The following LRP2BP variants were observed in gnomAD, a reference collection of about 807,000 sequenced individuals.
LRP2BP encodes the protein LRP2-binding protein.
In LRP2BP, 38 loss-of-function variants were observed where a neutral mutation model predicts 45.2. The ratio of observed to expected loss-of-function variants is 0.84; its 90% CI spans 0.65 to 1.10. The LOEUF (loss-of-function observed/expected upper bound fraction) is 1.10, where lower values mean the gene tolerates loss of function less well. Among genes scored for constraint, LRP2BP ranks in the 50% least tolerant of loss-of-function variants. The probability of loss-of-function intolerance (pLI) is 0.00; values close to 1 mark genes in which losing one functional copy is unlikely to be tolerated. For synonymous variants in LRP2BP, 153 were observed against 153.9 expected (o/e 0.99, Z 0.04); for missense variants, 385 against 418.9 (o/e 0.92, Z 0.71).
intron 2 of LRP2BP, chr4:185,377,308 T>C: frequency 8.2e-5 from 26 of 316,238 alleles, no homozygotes; most frequent in South Asian, 1.2e-4. Flanking sequence ...CACCTGAGTT[T>C]GGGAGTTCAA....
At position 185,375,674 on chromosome 4, in the gene LRP2BP, T is replaced by G. The variant is rs1164212154; in HGVS notation, c.269A>C (p.His90Pro). ...EQFEEIKEKD[H>P]QATYQLGVMY... The stretch of plus-strand genomic sequence containing the variant: ...CACTCCTAGCTGGTAAGTTGCTTGA[T>G]GGTCTTTCTCCTTGATTTCTTCAAA... Residue 90 changes from histidine (H) to proline (P), a missense_variant, in exon 4 of 9, where the codon CAT becomes CCT. Coordinates refer to ENST00000505916, the MANE Select transcript of LRP2BP (RefSeq NM_001377440.1). 1 of 1,612,356 alleles carries G rather than the reference T, an allele frequency of 6.2e-7. No individual in the cohort carries two copies. Among genetic ancestry groups the G allele is most frequent in the East Asian group, 2.2e-5 (1 of 44,770 alleles).
intron 1 of LRP2BP, among the ~76,000 whole-genome samples, chr4:185,384,116 G>C (rs987122094): frequency 2.0e-5 from 3 of 152,140 alleles, no homozygotes; most frequent in Non-Finnish European, 4.4e-5. Flanking sequence ...GTATTAAGAG[G>C]TGGAGCCCTG....
Position 185,370,824 on chromosome 4 carries a change from T to A in LRP2BP, c.804-10A>T. The stretch of plus-strand genomic sequence containing the variant: ...ATCATAGTCAGCGATCCTGAGAGGA[T>A]GTAGAGTTGTGAAATGGAAAAGACA... On this transcript the variant is annotated splice_polypyrimidine_tract_variant and intron_variant, in intron 7 of 8. Transcript: ENST00000505916. The A allele has an allele frequency of 6.2e-7, 1 of 1,613,786 alleles. No individual in the cohort carries two copies. The highest frequency in any genetic ancestry group is 1.1e-5 in the South Asian group (1 of 91,060).
At position 185,387,886 on chromosome 4, in the gene LRP2BP, G is replaced by A. The variant is rs559954862; in HGVS notation, c.-22+6893C>T. ...AGCTCTCTCCCAACTTGGGTTCTGA[G>A]GCAGGGGTGGAATGAAGGCCTCTGG... On this transcript the variant is annotated intron_variant, in intron 1 of 8. Coordinates refer to ENST00000505916, the MANE Select transcript of LRP2BP (RefSeq NM_001377440.1). Among the ~76,000 whole-genome samples the A allele has an allele frequency of 1.1e-4, 16 of 152,308 alleles. 1 individual carries two copies. The South Asian group carries it at 3.3e-3, about 32-fold the overall frequency.
chr4:185,378,848 G>GT, intron 1 of LRP2BP: 1 of 985,390 alleles, frequency 1.0e-6, no homozygotes, highest in Non-Finnish European at 1.2e-6. Flanking sequence ...CTACACTTTT[G>GT]TATTTACTCC....
intron 1 of LRP2BP, among the ~76,000 whole-genome samples, chr4:185,392,496 T>G (rs1320928846): frequency 6.6e-6 from 1 of 152,180 alleles, no homozygotes; most frequent in Non-Finnish European, 1.5e-5. Context: ...TAAGAAATTC[T>G]TCCGTTTTTA....
At chr4:185,370,366 T>A (rs573087432) in intron 8 of LRP2BP, among the ~76,000 whole-genome samples, 1 of 152,312 alleles carries the variant, frequency 6.6e-6, no homozygotes, top group East Asian at 1.9e-4. Context: ...AGCTTTAAGG[T>A]CTTGGTGCTG....
intron 1 of LRP2BP, chr4:185,378,922 G>C (rs2126815471): frequency 1.0e-6 from 1 of 985,418 alleles, no homozygotes. Context: ...AAAGGTTCCT[G>C]ATTGGTGGTC....
chr4:185,389,365 C>T (rs2095481870), intron 1 of LRP2BP, among the ~76,000 whole-genome samples: 2 of 151,410 alleles, frequency 1.3e-5, no homozygotes, highest in Non-Finnish European at 2.9e-5. Context: ...CACACCACCA[C>T]ACCCGGCTAA....
intron 1 of LRP2BP, among the ~76,000 whole-genome samples, chr4:185,388,364 G>A (rs1411429939): frequency 2.9e-5 from 4 of 136,428 alleles, no homozygotes; most frequent in Non-Finnish European, 6.3e-5. Context: ...GCCATGTCCC[G>A]GGGTCTTATT....
chr4:185,374,473 G>C lies in LRP2BP; in HGVS notation c.331-12C>G. ...TCCACCCCTTTCTCCTTCGACAAAA[G>C]AAAGAGCAAAAAAACCCTAGTTTTT... On this transcript the variant is annotated splice_polypyrimidine_tract_variant and intron_variant, in intron 4 of 8. Coordinates refer to ENST00000505916, the MANE Select transcript of LRP2BP (RefSeq NM_001377440.1). The C allele has an allele frequency of 1.9e-6, 3 of 1,601,292 alleles. No homozygotes were observed. Among genetic ancestry groups the C allele is most frequent in the Non-Finnish European group, 2.5e-6 (3 of 1,177,014 alleles).
intron 1 of LRP2BP, among the ~76,000 whole-genome samples, chr4:185,382,004 C>T (rs1288119680): frequency 6.6e-6 from 1 of 152,160 alleles, no homozygotes; most frequent in Non-Finnish European, 1.5e-5. Context: ...AGAAGAAACA[C>T]TGTAGCATCG....
At chr4:185,381,431 T>C (rs900464237) in intron 1 of LRP2BP, among the ~76,000 whole-genome samples, 4 of 152,192 alleles carry the variant, frequency 2.6e-5, no homozygotes, top group Admixed American at 2.0e-4. Flanking sequence ...ATAGTAGTAG[T>C]AGTTACTGGG....
chr4:185,376,312 C>T (rs2095437364), intron 3 of LRP2BP, among the ~76,000 whole-genome samples: 2 of 152,170 alleles, frequency 1.3e-5, no homozygotes, highest in Non-Finnish European at 2.9e-5. Flanking sequence ...GAGTCTCGCT[C>T]TGTGGCCCAG....
At chr4:185,390,248 C>T (rs1217762198) in intron 1 of LRP2BP, among the ~76,000 whole-genome samples, 6 of 152,152 alleles carry the variant, frequency 3.9e-5, no homozygotes, top group Admixed American at 1.3e-4. Context: ...GGGTGGCTCA[C>T]GCCTGTAATC....
chr4:185,383,888 T>C (rs2126826880), intron 1 of LRP2BP, among the ~76,000 whole-genome samples: 1 of 152,324 alleles, frequency 6.6e-6, no homozygotes, highest in East Asian at 1.9e-4. Context: ...TTTTTCCTCA[T>C]GGAAGGGAGA....
chr4:185,370,461 A>G (rs962756444), intron 8 of LRP2BP, among the ~76,000 whole-genome samples, 179 bp downstream of exon 8: 7 of 152,196 alleles, frequency 4.6e-5, no homozygotes, highest in Non-Finnish European at 8.8e-5. Context: ...AATTATGCTA[A>G]TAAGATTCTG....
chr4:185,391,551 G>A (rs2095488444), intron 1 of LRP2BP, among the ~76,000 whole-genome samples: 1 of 152,076 alleles, frequency 6.6e-6, no homozygotes, highest in Non-Finnish European at 1.5e-5. Context: ...TAGACTCATG[G>A]ATAACTATGT....
chr4:185,392,788 T>C (rs927773669), intron 1 of LRP2BP, among the ~76,000 whole-genome samples: 12 of 152,216 alleles, frequency 7.9e-5, no homozygotes, highest in African/African-American at 2.7e-4. Context: ...CTGGTCAGCA[T>C]TGATATACCA....
Sources: allele counts gnomAD v4.1 joint callset (sites outside exome capture counted in the v4.1 genomes callset), GRCh38; gene constraint gnomAD v4.1.1; transcripts MANE v1.5; gene names NCBI Gene and HGNC (gene_info 2026-07-23, HGNC 2026-07-21).